The following SRSF11 variants were observed in gnomAD, a reference collection of about 807,000 sequenced individuals.
The protein encoded by SRSF11 is serine/arginine-rich splicing factor 11.
Under a neutral mutation model 56.0 loss-of-function variants are expected in SRSF11, and 9 were observed. The observed-to-expected ratio is 0.16, with a 90% CI of 0.10 to 0.28. The LOEUF is 0.28. SRSF11 is among the 10% of genes least tolerant of loss of function. SRSF11 has a pLI of 1.00. For missense variants in SRSF11, 421 were observed against 600.7 expected (o/e 0.70, Z 3.13); for synonymous variants, 222 against 215.3 (o/e 1.03, Z -0.27).
chr1:70,228,829 A>C lies in SRSF11; in HGVS notation c.337+274A>C, dbSNP rs1446077154. On this transcript the variant is annotated intron_variant, in intron 2 of 11. Coordinates refer to ENST00000370949, the MANE Select transcript of SRSF11 (RefSeq NM_001350605.2). ...CCCTTATTGTAACTCCCTGAGATAC[A>C]TCTACTTAGTTAATTTAATGTTAAG... 15 of 1,107,670 alleles carry C rather than the reference A, an allele frequency of 1.4e-5. No homozygotes were observed. The Admixed American group carries it at 1.4e-4, about 10-fold the overall frequency. 68.6% of individuals were successfully genotyped at this position (1,107,670 alleles called of 1,614,324 possible). A position where few individuals can be genotyped will look rare whatever the true frequency, so the allele number is the denominator to read the frequency against.
At chr1:70,236,007 A>G (rs1673909125) in intron 5 of SRSF11, among the ~76,000 whole-genome samples, 1 of 152,182 alleles carries the variant, frequency 6.6e-6, no homozygotes. Context: ...TGACAGATTC[A>G]TCAGTTTTTT....
At chr1:70,208,597 G>A (rs779037772) in intron 1 of SRSF11, among the ~76,000 whole-genome samples, 2 of 151,880 alleles carry the variant, frequency 1.3e-5, no homozygotes, top group East Asian at 1.9e-4. Flanking sequence ...CTCGGCCCCC[G>A]AAATTGCGGG....
chr1:70,248,039 G>C (rs1677151083), intron 9 of SRSF11, among the ~76,000 whole-genome samples: 1 of 152,078 alleles, frequency 6.6e-6, no homozygotes, highest in South Asian at 2.1e-4. Flanking sequence ...AGTAAGTGTT[G>C]ATTAGGATGT....
intron 1 of SRSF11, among the ~76,000 whole-genome samples, chr1:70,223,165 T>C (rs1181768314): frequency 3.3e-5 from 5 of 152,212 alleles, no homozygotes; most frequent in African/African-American, 1.2e-4. Context: ...GTAAAATTAA[T>C]GAACAGTAAA....
intron 9 of SRSF11, 71 bp from the exon 10 acceptor site, chr1:70,249,881 A>T (rs1354015128): frequency 6.7e-7 from 1 of 1,487,532 alleles, no homozygotes; most frequent in African/African-American, 1.4e-5. Flanking sequence ...TGTTAGAATC[A>T]TCTATGATGT....
At position 70,224,030 on chromosome 1, in the gene SRSF11, C is replaced by A. The variant is rs1671216494; in HGVS notation, c.203+2191C>A. On this transcript the variant is annotated intron_variant, in intron 1 of 11. Transcript: ENST00000370949. ...GAACATGTACAGACTTTTTTCTTGT[C>A]ATTCCCTAAACAGTACAGTATAGCA... Among the ~76,000 whole-genome samples the A allele has an allele frequency of 2.0e-5, 3 of 152,264 alleles. No homozygotes were observed. In the South Asian group the frequency reaches 6.2e-4, roughly 32 times the overall value.
chr1:70,235,963 T>G (rs1208421862), intron 5 of SRSF11, among the ~76,000 whole-genome samples: 1 of 152,238 alleles, frequency 6.6e-6, no homozygotes, highest in Non-Finnish European at 1.5e-5. Flanking sequence ...GTGCTCTTCA[T>G]GCTGTCACAG....
At chr1:70,223,731 G>A (rs1671141666) in intron 1 of SRSF11, among the ~76,000 whole-genome samples, 1 of 152,100 alleles carries the variant, frequency 6.6e-6, no homozygotes, top group African/African-American at 2.4e-5. Flanking sequence ...TTATTTACTT[G>A]ATGTTGCATT....
At chr1:70,217,190 C>T (rs1159779755), upstream of SRSF11, among the ~76,000 whole-genome samples, 6 of 151,926 alleles carry the variant, frequency 3.9e-5, no homozygotes, top group East Asian at 1.9e-4. Context: ...TGGCGTTTCG[C>T]TCTTGTTGCC....
intron 6 of SRSF11, among the ~76,000 whole-genome samples, chr1:70,238,972 G>A (rs774052328): frequency 5.3e-5 from 8 of 152,148 alleles, no homozygotes; most frequent in Non-Finnish European, 7.3e-5. Context: ...CTTCAAAATC[G>A]TGATTATAAA....
chr1:70,243,997 C>T (rs947346813), intron 7 of SRSF11, among the ~76,000 whole-genome samples: 2 of 151,556 alleles, frequency 1.3e-5, no homozygotes, highest in Non-Finnish European at 2.9e-5. Flanking sequence ...GATGGGGGCT[C>T]GGTGCAGGGA....
chr1:70,248,799 C>T (rs1262635199), intron 9 of SRSF11: 1 of 152,006 alleles, frequency 6.6e-6, no homozygotes, highest in African/African-American at 2.4e-5. Context: ...GTGCTACAGT[C>T]TGTTGAAGGA....
intron 7 of SRSF11, among the ~76,000 whole-genome samples, chr1:70,241,270 T>G (rs1400449913): frequency 1.3e-5 from 2 of 152,226 alleles, no homozygotes; most frequent in Non-Finnish European, 2.9e-5. Context: ...ACGTCTCTAT[T>G]AAAAGCACTT....
intron 1 of SRSF11, among the ~76,000 whole-genome samples, chr1:70,216,174 A>G (rs967772981): frequency 3.3e-5 from 5 of 152,224 alleles, no homozygotes; most frequent in Non-Finnish European, 7.3e-5. Flanking sequence ...AAGCTTGTTC[A>G]TTAGGACTAA....
At chr1:70,236,843 G>A (rs995365454) in intron 5 of SRSF11, among the ~76,000 whole-genome samples, 3 of 115,748 alleles carry the variant, frequency 2.6e-5, no homozygotes, top group Admixed American at 1.3e-4. Context: ...TCACTCTGTC[G>A]CCCAGGCTGG....
chr1:70,222,360 C>T (rs1411776401), intron 1 of SRSF11, among the ~76,000 whole-genome samples: 1 of 152,032 alleles, frequency 6.6e-6, no homozygotes, highest in Admixed American at 6.6e-5. Flanking sequence ...TAGTGTGAGC[C>T]TGATTACTTA....
At position 70,244,759 on chromosome 1, in the gene SRSF11, GAGA is replaced by G; in HGVS notation, c.880_882del (p.Arg294del). On this transcript the variant is annotated inframe_deletion, in exon 8 of 12. Transcript: ENST00000370949. ...GGCGACGATCCAAAAGCCCAAGGCG[GAGA>G]AGATCTCATTCCAGAGAAAGAGGTA... is the stretch of plus-strand genomic sequence containing the variant. 1 of 1,614,204 alleles carries G rather than the reference GAGA, an allele frequency of 6.2e-7. No homozygotes were observed. Among genetic ancestry groups the G allele is most frequent in the Non-Finnish European group, 8.5e-7 (1 of 1,180,032 alleles).
chr1:70,250,551 CT>C (rs1172075221), intron 11 of SRSF11, 48 bp downstream of exon 11: 23 of 1,607,674 alleles, frequency 1.4e-5, no homozygotes, highest in Non-Finnish European at 2.0e-5. Flanking sequence ...GATGTTGGTA[CT>C]TTCAGAAGTT....
upstream of SRSF11, among the ~76,000 whole-genome samples, chr1:70,218,378 G>A (rs141080610): frequency 6.6e-6 from 1 of 152,292 alleles, no homozygotes; most frequent in Non-Finnish European, 1.5e-5. Context: ...ATCCTCTTCA[G>A]TTGCATAAAC....
Sources: gnomAD v4.1 joint callset for allele counts (sites outside exome capture counted in the v4.1 genomes callset) on GRCh38, gnomAD v4.1.1 for gene constraint, MANE v1.5 for transcripts, NCBI Gene and HGNC (gene_info 2026-07-23, HGNC 2026-07-21) for gene names.